USP6NL: variants seen among roughly 807,000 people sequenced by gnomAD.
USP6NL encodes the protein USP6 N-terminal-like protein.
USP6NL carries 26 observed loss-of-function variants against 61.9 expected under a neutral mutation model. The observed-to-expected ratio is 0.42, with a 90% CI of 0.31 to 0.58. The LOEUF is 0.58. Ranked by LOEUF, USP6NL falls within the 20% of genes least tolerant of loss-of-function variation. USP6NL has a pLI of 0.16. For missense variants in USP6NL, 1,114 were observed against 1,034.3 expected, an observed-to-expected ratio of 1.08 and a Z score of -1.06; for synonymous variants, 432 against 390.1, an observed-to-expected ratio of 1.11 and a Z score of -1.27.
At chr10:11,555,471 A>AGAAGGAG in intron 2 of USP6NL, among the ~76,000 whole-genome samples, 1 of 62,216 alleles carries the variant, frequency 1.6e-5, no homozygotes, top group Admixed American at 2.1e-4. Flanking sequence ...GAGAGAGAGA[A>AGAAGGAG]AGAGAGAGAG....
chr10:11,560,510 C>T (rs1453763610), intron 2 of USP6NL, among the ~76,000 whole-genome samples: 8 of 151,522 alleles, frequency 5.3e-5, no homozygotes, highest in Non-Finnish European at 8.8e-5. Flanking sequence ...ATAACTCTGC[C>T]CTAAAACATG....
rs554046678 is a variant in USP6NL at position 11,497,843 on chromosome 10, G to A, written c.384+3258C>T. On this transcript the variant is annotated intron_variant, in intron 7 of 14. Coordinates refer to ENST00000609104, the MANE Select transcript of USP6NL (RefSeq NM_014688.5). ...ATTAGGTGGGTTGAGATCCATGAGC[G>A]TCACAGTAATATAAAAATAAATACT... Among the ~76,000 whole-genome samples the A allele has an allele frequency of 1.1e-3, 169 of 152,208 alleles. 2 individuals carry two copies. Among genetic ancestry groups the A allele is most frequent in the African/African-American group, 3.8e-3 (157 of 41,530 alleles).
At chr10:11,599,593 AAACT>A (rs1838441597) in intron 1 of USP6NL, among the ~76,000 whole-genome samples, 1 of 152,224 alleles carries the variant, frequency 6.6e-6, no homozygotes, top group African/African-American at 2.4e-5. Context: ...ATAGTTTGCA[AAACT>A]AAATAATGCA....
rs1013578582 is a variant in USP6NL, at chr10:11,540,939, G to A, written c.5-13372C>T. 1.3e-5 allele frequency among the ~76,000 whole-genome samples: 2 copies of A among 151,814 alleles called. No homozygotes were observed. On this transcript the variant is annotated intron_variant, in intron 2 of 14. Coordinates refer to ENST00000609104, the MANE Select transcript of USP6NL (RefSeq NM_014688.5). The surrounding 1 kb of genome is among the most constrained non-coding windows in gnomAD (Gnocchi z 5.0). ...AGCCAGCAATTTGGTAACACTGAAT[G>A]GGATTTAATAAATAAAAGTGCTCAT...
At position 11,482,044 on chromosome 10, in the gene USP6NL, T is replaced by C. The variant is rs1833220886; in HGVS notation, c.926-122A>G. On this transcript the variant is annotated intron_variant, in intron 13 of 14. Transcript: ENST00000609104. The surrounding 1 kb of genome is among the most constrained non-coding windows in gnomAD (Gnocchi z 4.0). The stretch of plus-strand genomic sequence containing the variant: ...AAAAGGGCGCAAGCAGCATACAACT[T>C]ACATATGGCATTGAGGACATCATTA... 2 of 954,684 alleles carry C rather than the reference T, an allele frequency of 2.1e-6. No individual in the cohort carries two copies. Among genetic ancestry groups the C allele is most frequent in the African/African-American group, 1.7e-5 (1 of 59,994 alleles). The allele number at this position is 954,684 out of a possible 1,614,324, so 59.1% of individuals were successfully genotyped here.
chr10:11,525,461 T>A lies in USP6NL; in HGVS notation c.80A>T (p.Glu27Val). ...EIVAKYDRGREGAEIEPWEDA... is the reference protein window; with the variant it reads ...EIVAKYDRGRVGAEIEPWEDA... Reference sequence around the variant, plus strand: ...TTCCCAAGGTTCAATCTCTGCACCTTCTCGTCCCTAAAATAAGGCACAAAA... The same window carrying A: ...TTCCCAAGGTTCAATCTCTGCACCTACTCGTCCCTAAAATAAGGCACAAAA... Residue 27 changes from glutamate (E) to valine (V), a missense_variant, in exon 4 of 15, where the codon GAA (glutamate) becomes GTA (valine). By Grantham distance (121) the Glu-to-Val change is moderately radical. Transcript: ENST00000609104. This position sits in a 1 kb window ranked among gnomAD's most constrained non-coding sequence, Gnocchi z 5.0. 1 of 1,584,200 alleles carries A rather than the reference T, an allele frequency of 6.3e-7. No individual in the cohort carries two copies. The highest frequency in any genetic ancestry group is 8.5e-7 in the Non-Finnish European group (1 of 1,171,628).
chr10:11,553,755 G>C lies in USP6NL; in HGVS notation c.5-26188C>G, dbSNP rs181647325. Reference sequence around the variant, plus strand: ...TACTAAAAATACAAAAATTAGCAAGGCATGGTGGTGGGCGCCTGTAATCCC... The same window carrying C: ...TACTAAAAATACAAAAATTAGCAAGCCATGGTGGTGGGCGCCTGTAATCCC... On this transcript the variant is annotated intron_variant, in intron 2 of 14. Coordinates refer to ENST00000609104, the MANE Select transcript of USP6NL (RefSeq NM_014688.5). This position sits in a 1 kb window ranked among gnomAD's most constrained non-coding sequence, Gnocchi z 4.8. Among the ~76,000 whole-genome samples, 171 of 152,100 alleles carry C rather than the reference G, an allele frequency of 1.1e-3. No homozygotes were observed. Among genetic ancestry groups the C allele is most frequent in the Non-Finnish European group, 1.8e-3 (120 of 67,982 alleles).
rs952159797 is a variant in USP6NL, at chr10:11,562,501, A to G, written c.5-34934T>C. The G allele has an allele frequency of 5.5e-5, 54 of 985,422 alleles. No homozygotes were observed. Among genetic ancestry groups the G allele is most frequent in the Admixed American group, 4.3e-4 (7 of 16,282 alleles). The allele number at this position is 985,422 out of a possible 1,614,324, so 61.0% of individuals were successfully genotyped here. A position where few individuals can be genotyped will look rare whatever the true frequency, so the allele number is the denominator to read the frequency against. On this transcript the variant is annotated intron_variant, in intron 2 of 14. Transcript: ENST00000609104. This position sits in a 1 kb window ranked among gnomAD's most constrained non-coding sequence, Gnocchi z 4.8. ...TTAAGTGTGGCTGAGGAGAAACGTG[A>G]AAAGAGCCGGGTCACTCAAGACATT...
chr10:11,578,862 GC>G (rs1158637650), intron 2 of USP6NL, among the ~76,000 whole-genome samples: 13 of 152,180 alleles, frequency 8.5e-5, no homozygotes, highest in Non-Finnish European at 7.3e-5. Context: ...CTAGGTACTT[GC>G]TAGGTACATG....
chr10:11,569,628 G>A (rs1210931608), intron 2 of USP6NL, among the ~76,000 whole-genome samples: 2 of 152,178 alleles, frequency 1.3e-5, no homozygotes, highest in Non-Finnish European at 2.9e-5. Context: ...TAAGGAATGT[G>A]ACTGCTGGAG....
rs1452325163 is a variant in USP6NL, at chr10:11,482,013, G to A, written c.926-91C>T. 7.6e-7 allele frequency: 1 copy of A among 1,313,592 alleles called. No homozygotes were observed. The highest frequency in any genetic ancestry group is 1.5e-5 in the African/African-American group (1 of 67,102). 81.4% of individuals were successfully genotyped at this position (1,313,592 alleles called of 1,614,324 possible). On this transcript the variant is annotated intron_variant, in intron 13 of 14. Coordinates refer to ENST00000609104, the MANE Select transcript of USP6NL (RefSeq NM_014688.5). This position sits in a 1 kb window ranked among gnomAD's most constrained non-coding sequence, Gnocchi z 4.0. ...TTATATTCAGGTGTAGTGTAAAAGG[G>A]CATTAAAAAGGGCGCAAGCAGCATA...
intron 2 of USP6NL, among the ~76,000 whole-genome samples, chr10:11,572,270 T>C (rs12413951): frequency 0.18 from 27,711 of 152,028 alleles, 2,974 homozygotes; most frequent in South Asian, 0.25. Flanking sequence ...GCTATTTTCT[T>C]TAAATACCTA....
intron 2 of USP6NL, among the ~76,000 whole-genome samples, chr10:11,549,249 A>C (rs542983907): frequency 4.6e-5 from 7 of 152,162 alleles, no homozygotes; most frequent in Non-Finnish European, 1.0e-4. Flanking sequence ...ATTTTACGAT[A>C]AAAAGAACAA....
At chr10:11,594,758 G>A (rs992398913) in intron 2 of USP6NL, among the ~76,000 whole-genome samples, 1 of 152,130 alleles carries the variant, frequency 6.6e-6, no homozygotes. Context: ...AATAGCTCCT[G>A]CATACTAAGG....
Position 11,514,741 on chromosome 10 carries a change from T to G in USP6NL, c.195+3794A>C, listed in dbSNP as rs539766670. On this transcript the variant is annotated intron_variant, in intron 5 of 14. Transcript: ENST00000609104. Reference sequence around the variant, plus strand: ...GGAGAAGATGTTCAAAACTAAATTTTGGGCACTGGATGTGCTTCTCACCAA... The same window carrying G: ...GGAGAAGATGTTCAAAACTAAATTTGGGGCACTGGATGTGCTTCTCACCAA... Among the ~76,000 whole-genome samples the G allele has an allele frequency of 3.9e-5, 6 of 152,330 alleles. No homozygotes were observed. In the South Asian group the frequency reaches 8.3e-4, roughly 21 times the overall value.
At chr10:11,599,429 C>A (rs1838436990) in intron 1 of USP6NL, among the ~76,000 whole-genome samples, 1 of 152,130 alleles carries the variant, frequency 6.6e-6, no homozygotes, top group Non-Finnish European at 1.5e-5. Context: ...CCAAAAGGAG[C>A]CAAAGAAATA....
intron 4 of USP6NL, among the ~76,000 whole-genome samples, chr10:11,522,128 T>C (rs541894863): frequency 8.0e-4 from 122 of 152,366 alleles, no homozygotes; most frequent in Non-Finnish European, 1.6e-3. Context: ...ATATTTATTG[T>C]GTAATCTATT....
Position 11,463,251 on chromosome 10 carries a change from C to G in USP6NL, c.1677G>C (p.Leu559=). Residue 559 remains leucine, a synonymous_variant, in exon 15 of 15, where the codon CTG becomes CTC. Transcript: ENST00000609104. This position sits in a 1 kb window ranked among gnomAD's most constrained non-coding sequence, Gnocchi z 6.3. ...SQYDNVPGPE[L]DSGASVEEAL... ...CCTCCTCCACGGAAGCGCCGCTGTC[C>G]AGCTCCGGGCCTGGCACGTTGTCGT... 1 of 1,613,674 alleles carries G rather than the reference C, an allele frequency of 6.2e-7. No homozygotes were observed. The highest frequency in any genetic ancestry group is 8.5e-7 in the Non-Finnish European group (1 of 1,179,896).
At chr10:11,569,791 AT>A (rs1210471562) in intron 2 of USP6NL, among the ~76,000 whole-genome samples, 2 of 152,202 alleles carry the variant, frequency 1.3e-5, no homozygotes, top group African/African-American at 4.8e-5. Flanking sequence ...TTTATGGCAA[AT>A]TGTTTCAGAA....
Sources: allele counts gnomAD v4.1 joint callset (sites outside exome capture counted in the v4.1 genomes callset), GRCh38; gene constraint gnomAD v4.1.1; non-coding constraint Gnocchi (gnomAD v3.1); transcripts MANE v1.5; gene names NCBI Gene and HGNC (gene_info 2026-07-23, HGNC 2026-07-21).